The following KLRG1 variants were observed in gnomAD, a reference collection of about 807,000 sequenced individuals.
The protein encoded by KLRG1 is killer cell lectin-like receptor subfamily G member 1.
KLRG1 carries 16 observed loss-of-function variants against 21.8 expected under a neutral mutation model. The observed-to-expected ratio is 0.73, with a 90% CI of 0.50 to 1.11. The LOEUF (loss-of-function observed/expected upper bound fraction) is 1.11. Among genes scored for constraint, KLRG1 ranks in the 50% most tolerant of loss-of-function variants. KLRG1 has a pLI of 0.00. For missense variants in KLRG1, 173 were observed against 218.3 expected (o/e 0.79, Z 1.31); for synonymous variants, 69 against 75.9 (o/e 0.91, Z 0.47).
At chr12:8,959,565 C>T (rs1002517426) in intron 1 of KLRG1, among the ~76,000 whole-genome samples, 12 of 152,196 alleles carry the variant, frequency 7.9e-5, no homozygotes, top group Non-Finnish European at 1.6e-4. Context: ...CTGTCGTTCT[C>T]CTCACTTGGC....
At chr12:9,126,128 TGAGCATATAACTCAACTGTTAG>T in the KLRG1 span, among the ~76,000 whole-genome samples, 1 of 152,196 alleles carries the variant, frequency 6.6e-6, no homozygotes, top group African/African-American at 2.4e-5. Context: ...TCATACAGGG[TGAGCATATAACTCAACTGTTAG>T]GAGCAAAAGT....
the KLRG1 span, among the ~76,000 whole-genome samples, chr12:9,143,590 A>G: frequency 6.6e-6 from 1 of 152,232 alleles, no homozygotes; most frequent in Non-Finnish European, 1.5e-5. Flanking sequence ...GATCTTAGGT[A>G]GAAGAAAGCC....
chr12:9,184,105 A>G, the KLRG1 span, among the ~76,000 whole-genome samples: 1 of 152,254 alleles, frequency 6.6e-6, no homozygotes, highest in Non-Finnish European at 1.5e-5. Flanking sequence ...GTAGGAAATT[A>G]AAGCTTTTAA....
chr12:9,059,338 G>GT, the KLRG1 span, among the ~76,000 whole-genome samples: 1,144 of 152,256 alleles, frequency 7.5e-3, 23 homozygotes, highest in African/African-American at 0.026. Context: ...TATCTAGAAT[G>GT]TATCAGCACC....
chr12:9,077,881 G>A, the KLRG1 span: 2 of 1,613,938 alleles, frequency 1.2e-6, no homozygotes, highest in African/African-American at 1.3e-5. Context: ...AAGCAATCAT[G>A]ATGTTTATGT....
At chr12:9,129,786 G>A in the KLRG1 span, among the ~76,000 whole-genome samples, 4 of 152,176 alleles carry the variant, frequency 2.6e-5, no homozygotes, top group African/African-American at 9.7e-5. Flanking sequence ...CTGACCTTGT[G>A]ATCCACCCGC....
the KLRG1 span, chr12:9,067,924 T>C: frequency 3.0e-6 from 4 of 1,328,968 alleles, no homozygotes; most frequent in Admixed American, 1.9e-5. Flanking sequence ...CTGGGTAGCA[T>C]AGTGCCCAAG....
intron 1 of KLRG1, among the ~76,000 whole-genome samples, chr12:8,984,543 G>A (rs746453146): frequency 7.2e-5 from 11 of 152,106 alleles, no homozygotes; most frequent in Admixed American, 2.6e-4. Flanking sequence ...GTGAGCCACC[G>A]TGCCTGGCCC....
chr12:8,986,502 C>T (rs1203488354), upstream of KLRG1, among the ~76,000 whole-genome samples: 1 of 151,740 alleles, frequency 6.6e-6, no homozygotes, highest in East Asian at 1.9e-4. Flanking sequence ...TCAACACTGT[C>T]ATTTATTTTG....
the KLRG1 span, among the ~76,000 whole-genome samples, chr12:9,075,140 T>A: frequency 6.6e-6 from 1 of 152,314 alleles, no homozygotes; most frequent in Non-Finnish European, 1.5e-5. Flanking sequence ...ATAAAGTGTG[T>A]CTTTATCAGT....
chr12:9,019,291 G>A, the KLRG1 span, among the ~76,000 whole-genome samples: 3 of 152,190 alleles, frequency 2.0e-5, no homozygotes, highest in South Asian at 4.1e-4. Context: ...AGGATGTGGA[G>A]AAAAGGGAAC....
the KLRG1 span, among the ~76,000 whole-genome samples, chr12:9,095,306 A>G: frequency 6.6e-6 from 1 of 152,236 alleles, no homozygotes; most frequent in Non-Finnish European, 1.5e-5. Flanking sequence ...TTTAATAAAC[A>G]TCACAGAGCA....
At chr12:9,027,541 C>A in the KLRG1 span, 1 of 1,144,748 alleles carries the variant, frequency 8.7e-7, no homozygotes, top group Non-Finnish European at 1.3e-6. Context: ...AATCTTCTGC[C>A]ACTGCCATAG....
chr12:9,164,041 A>G, the KLRG1 span: 29 of 1,450,130 alleles, frequency 2.0e-5, no homozygotes, highest in African/African-American at 2.7e-4. Context: ...AATTATATCT[A>G]TGGCAAATAA....
chr12:9,168,653 T>C, the KLRG1 span: 4 of 451,406 alleles, frequency 8.9e-6, no homozygotes, highest in Non-Finnish European at 1.2e-5. Flanking sequence ...TTTTATCTGA[T>C]TTTGTGCCCT....
rs779165100 is a variant in KLRG1 at position 9,009,516 on chromosome 12, G to C, written c.549G>C (p.Val183=). ...ASSCEVPLHW[V]CKKVRL is the part of the protein sequence containing the mutation. ...GCTGTGAAGTTCCTTTACACTGGGT[G>C]TGTAAGAAGGTCAGACTTTGATAGA... The change falls in exon 5 of 5, where the codon GTG becomes GTC. Residue 183 remains valine (V), a synonymous_variant. Coordinates refer to ENST00000356986, the MANE Select transcript of KLRG1 (RefSeq NM_005810.4). The C allele has an allele frequency of 3.1e-6, 5 of 1,613,900 alleles. No homozygotes were observed. In the South Asian group the frequency reaches 5.5e-5, roughly 18 times the overall value.
At chr12:9,181,175 TC>T in the KLRG1 span, 1 of 1,613,034 alleles carries the variant, frequency 6.2e-7, no homozygotes, top group Non-Finnish European at 8.5e-7. Context: ...TTTCCCTACT[TC>T]TGTGATCTTG....
chr12:9,036,881 C>G, the KLRG1 span: 1 of 386,016 alleles, frequency 2.6e-6, no homozygotes, highest in Non-Finnish European at 5.1e-6. Flanking sequence ...CAAGGAATAA[C>G]TGTAGTGGGC....
chr12:9,151,326 T>G, the KLRG1 span, among the ~76,000 whole-genome samples: 1 of 152,216 alleles, frequency 6.6e-6, no homozygotes, highest in African/African-American at 2.4e-5. Context: ...GTGGGGCCTT[T>G]AAAACAACAG....
Sources: allele counts gnomAD v4.1 joint callset (sites outside exome capture counted in the v4.1 genomes callset), GRCh38; gene constraint gnomAD v4.1.1; transcripts MANE v1.5; gene names NCBI Gene and HGNC (gene_info 2026-07-23, HGNC 2026-07-21).